STAT4: variants seen among roughly 807,000 people sequenced by gnomAD.
STAT4 encodes signal transducer and activator of transcription 4.
Under a neutral mutation model 110.5 loss-of-function variants are expected in STAT4, and 42 were observed. That is an observed-to-expected ratio of 0.38 (90% CI 0.30 to 0.49). The LOEUF is 0.49. STAT4 is among the 20% of genes least tolerant of loss of function. The probability of loss-of-function intolerance (pLI) is 0.95; values close to 1 mark genes in which losing one functional copy is unlikely to be tolerated. For synonymous variants in STAT4, 284 were observed against 302.2 expected, an observed-to-expected ratio of 0.94 and a Z score of 0.63; for missense variants, 632 against 887.9, an observed-to-expected ratio of 0.71 and a Z score of 3.66.
intron 1 of STAT4, among the ~76,000 whole-genome samples, chr2:191,149,897 A>G (rs1699550052): frequency 6.6e-6 from 1 of 152,212 alleles, no homozygotes; most frequent in Non-Finnish European, 1.5e-5. Flanking sequence ...ACTAAAACTT[A>G]CAGGTAGATG....
intron 3 of STAT4, among the ~76,000 whole-genome samples, chr2:191,088,017 T>A (rs558718037): frequency 7.9e-5 from 12 of 152,280 alleles, no homozygotes; most frequent in Admixed American, 7.9e-4. Flanking sequence ...CTATTCAGCA[T>A]CATATTGCAA....
At chr2:191,141,587 A>G (rs1208872590) in intron 3 of STAT4, among the ~76,000 whole-genome samples, 2 of 103,440 alleles carry the variant, frequency 1.9e-5, no homozygotes, top group African/African-American at 6.7e-5. Flanking sequence ...ATACATATAC[A>G]TATATATGTG....
At chr2:191,084,590 T>A (rs1697583244) in intron 3 of STAT4, among the ~76,000 whole-genome samples, 1 of 152,138 alleles carries the variant, frequency 6.6e-6, no homozygotes, top group Non-Finnish European at 1.5e-5. Flanking sequence ...TTTCTCTAGT[T>A]AAAAAGTGTT....
chr2:191,060,624 G>T lies in STAT4; in HGVS notation c.1034+1105C>A. On this transcript the variant is annotated intron_variant, in intron 10 of 23. Transcript: ENST00000392320. The surrounding 1 kb of genome is among the most constrained non-coding windows in gnomAD (Gnocchi z 4.5). ...AGTAGAGATGGGGTATTGCCATGTTGTCCAGGCTGGTCTTGAACTCCTGAC... is the reference window on the plus strand; with the variant it reads ...AGTAGAGATGGGGTATTGCCATGTTTTCCAGGCTGGTCTTGAACTCCTGAC... Among the ~76,000 whole-genome samples the T allele has an allele frequency of 6.6e-6, 1 of 152,098 alleles. No individual in the cohort carries two copies. The highest frequency in any genetic ancestry group is 1.9e-4 in the East Asian group (1 of 5,186).
At chr2:191,121,772 G>A (rs1397990509) in intron 3 of STAT4, among the ~76,000 whole-genome samples, 4 of 146,542 alleles carry the variant, frequency 2.7e-5, no homozygotes, top group African/African-American at 5.1e-5. Flanking sequence ...GGCCTGTTGT[G>A]GGGTGGGGGG....
chr2:191,088,200 T>C (rs1270809335), intron 3 of STAT4, among the ~76,000 whole-genome samples: 5 of 152,180 alleles, frequency 3.3e-5, no homozygotes, highest in African/African-American at 9.7e-5. Context: ...CTCCTGGAAC[T>C]AATAAGCCAT....
chr2:191,108,084 A>C (rs1046001427), intron 3 of STAT4, among the ~76,000 whole-genome samples: 3 of 152,090 alleles, frequency 2.0e-5, no homozygotes, highest in African/African-American at 7.2e-5. Context: ...TGAGGTCAGG[A>C]GTTCAAGACC....
intron 14 of STAT4, among the ~76,000 whole-genome samples, chr2:191,052,892 C>G (rs549215131): frequency 6.6e-6 from 1 of 152,186 alleles, no homozygotes; most frequent in East Asian, 1.9e-4. Context: ...CTCCTTAAAC[C>G]CCAAAACTCT....
At chr2:191,115,842 C>T (rs1212806922) in intron 3 of STAT4, among the ~76,000 whole-genome samples, 1 of 152,174 alleles carries the variant, frequency 6.6e-6, no homozygotes. Flanking sequence ...GGATTATATT[C>T]ATCAATAAAC....
intron 3 of STAT4, among the ~76,000 whole-genome samples, chr2:191,079,399 A>G (rs1231503502): frequency 6.6e-6 from 1 of 151,818 alleles, no homozygotes; most frequent in East Asian, 1.9e-4. Context: ...TATGTGTTTC[A>G]CTGGGTTTAT....
chr2:191,073,607 T>C (rs1460860092), intron 4 of STAT4, among the ~76,000 whole-genome samples: 1 of 152,170 alleles, frequency 6.6e-6, no homozygotes, highest in East Asian at 1.9e-4. Context: ...GGAGAATCAC[T>C]TGAACCTGGG....
At chr2:191,132,872 A>C (rs1428486985) in intron 3 of STAT4, among the ~76,000 whole-genome samples, 2 of 149,186 alleles carry the variant, frequency 1.3e-5, no homozygotes, top group Non-Finnish European at 3.0e-5. Context: ...CTCCTTCCTC[A>C]GCCTCCCAAG....
intron 6 of STAT4, chr2:191,068,524 G>A (rs1046941512): frequency 3.3e-5 from 5 of 152,118 alleles, no homozygotes; most frequent in African/African-American, 1.2e-4. Context: ...AAAGTTAAAT[G>A]TTTGGCCACA....
At chr2:191,052,910 T>C (rs992722437) in intron 14 of STAT4, among the ~76,000 whole-genome samples, 3 of 152,198 alleles carry the variant, frequency 2.0e-5, no homozygotes, top group Admixed American at 1.3e-4. Context: ...TCTGCTCCTG[T>C]GATTTCTTTG....
chr2:191,039,191 G>C lies in STAT4; in HGVS notation c.1434+8C>G. ...CATTAAAGAAGTTGAGGTAGAAATA[G>C]AGTCTACCTGGGAATCGTTGGTTGA... is the stretch of plus-strand genomic sequence containing the variant. On this transcript the variant is annotated splice_region_variant and intron_variant, in intron 16 of 23. Transcript: ENST00000392320. This position sits in a 1 kb window ranked among gnomAD's most constrained non-coding sequence, Gnocchi z 4.7. 1.2e-6 allele frequency: 2 copies of C among 1,608,542 alleles called. No homozygotes were observed. Among genetic ancestry groups the C allele is most frequent in the Non-Finnish European group, 1.7e-6 (2 of 1,174,886 alleles).
intron 3 of STAT4, among the ~76,000 whole-genome samples, chr2:191,120,484 C>T (rs1020573753): frequency 1.3e-5 from 2 of 152,230 alleles, no homozygotes; most frequent in East Asian, 1.9e-4. Context: ...AGCCACTGCA[C>T]TCTAGCATGG....
At chr2:191,136,686 G>A (rs964870852) in intron 3 of STAT4, among the ~76,000 whole-genome samples, 1 of 151,434 alleles carries the variant, frequency 6.6e-6, no homozygotes, top group Non-Finnish European at 1.5e-5. Flanking sequence ...GGGAGGCGCA[G>A]GTTGCAGTGG....
At position 191,091,344 on chromosome 2, in the gene STAT4, TA is replaced by T. The variant is rs1697792265; in HGVS notation, c.274-15020del. Among the ~76,000 whole-genome samples the T allele has an allele frequency of 6.6e-6, 1 of 151,862 alleles. No individual in the cohort carries two copies. The highest frequency in any genetic ancestry group is 2.1e-4 in the South Asian group (1 of 4,812). ...TAGATTCAAAATAAGAAAAATAATT[TA>T]AAAAACAGGAACGAATTTAACAAAG... On this transcript the variant is annotated intron_variant, in intron 3 of 23. Coordinates refer to ENST00000392320, the MANE Select transcript of STAT4 (RefSeq NM_003151.4). This position sits in a 1 kb window ranked among gnomAD's most constrained non-coding sequence, Gnocchi z 5.4.
At chr2:191,136,682 C>T (rs190929080) in intron 3 of STAT4, among the ~76,000 whole-genome samples, 97 of 151,886 alleles carry the variant, frequency 6.4e-4, no homozygotes, top group African/African-American at 2.0e-3. Context: ...ACCTGGGAGG[C>T]GCAGGTTGCA....
Sources: gnomAD v4.1 joint callset for allele counts (sites outside exome capture counted in the v4.1 genomes callset) on GRCh38, gnomAD v4.1.1 for gene constraint, Gnocchi (gnomAD v3.1) non-coding constraint, MANE v1.5 for transcripts, NCBI Gene and HGNC (gene_info 2026-07-23, HGNC 2026-07-21) for gene names.